Variants in TAMM41 observed in about 807,000 individuals in gnomAD.
The protein encoded by TAMM41 is phosphatidate cytidylyltransferase, mitochondrial.
In TAMM41, 36 loss-of-function variants were observed where a neutral mutation model predicts 44.1. The observed-to-expected ratio is 0.82, with a 90% confidence interval of 0.63 to 1.08. TAMM41 has a LOEUF of 1.08. TAMM41 is among the 50% of genes least tolerant of loss of function. The pLI is 0.00. For missense variants in TAMM41, 417 were observed against 404.3 expected (o/e 1.03, Z -0.27); for synonymous variants, 164 against 153.1 (o/e 1.07, Z -0.53).
chr3:11,752,892 C>T, the TAMM41 span, among the ~76,000 whole-genome samples: 71 of 151,568 alleles, frequency 4.7e-4, 1 homozygote, highest in African/African-American at 1.6e-3. Context: ...TGGGCTCTAG[C>T]GATCGTCCTG....
At chr3:11,728,413 T>G in the TAMM41 span, among the ~76,000 whole-genome samples, 1 of 152,134 alleles carries the variant, frequency 6.6e-6, no homozygotes, top group Non-Finnish European at 1.5e-5. Context: ...ATTCAGAGAG[T>G]AGTAAATAAT....
At chr3:11,734,314 A>G in the TAMM41 span, among the ~76,000 whole-genome samples, 1 of 152,218 alleles carries the variant, frequency 6.6e-6, no homozygotes, top group African/African-American at 2.4e-5. Context: ...GGCAGAACCA[A>G]GAGTTCCATT....
At chr3:11,807,286 A>T (rs2077938531) in intron 7 of TAMM41, 1 of 1,440,598 alleles carries the variant, frequency 6.9e-7, no homozygotes. Flanking sequence ...TATTAGGAGG[A>T]CAGAGGGATG....
the TAMM41 span, among the ~76,000 whole-genome samples, chr3:11,742,013 G>A: frequency 1.3e-5 from 2 of 150,026 alleles, no homozygotes; most frequent in East Asian, 1.9e-4. Context: ...CGGTTTAAAG[G>A]GTATGGGATT....
chr3:11,790,422 G>A, downstream of TAMM41: 1 of 1,273,914 alleles, frequency 7.8e-7, no homozygotes, highest in East Asian at 2.3e-5. Context: ...TCAAGCAATG[G>A]GTCAAAGTAA....
the TAMM41 span, among the ~76,000 whole-genome samples, chr3:11,745,675 GAA>G: frequency 2.0e-5 from 3 of 152,312 alleles, no homozygotes; most frequent in Admixed American, 6.5e-5. Flanking sequence ...GGAGCTGTGG[GAA>G]GAGGAAATGG....
the TAMM41 span, among the ~76,000 whole-genome samples, chr3:11,785,137 ACT>A: frequency 7.3e-5 from 11 of 151,374 alleles, no homozygotes; most frequent in Non-Finnish European, 1.6e-4. Flanking sequence ...TCTGTACTCC[ACT>A]CTCTACTGCT....
chr3:11,777,686 C>T, the TAMM41 span, among the ~76,000 whole-genome samples: 14 of 152,020 alleles, frequency 9.2e-5, no homozygotes, highest in Non-Finnish European at 1.8e-4. Context: ...CCCAGCTACT[C>T]GGGAGGCTGA....
intron 4 of TAMM41, among the ~76,000 whole-genome samples, chr3:11,828,287 G>C (rs996594085): frequency 3.3e-5 from 5 of 152,138 alleles, no homozygotes; most frequent in African/African-American, 4.8e-5. Flanking sequence ...GCTAAACTTG[G>C]TAGCAGCTTG....
At chr3:11,784,151 G>T in the TAMM41 span, among the ~76,000 whole-genome samples, 1 of 152,158 alleles carries the variant, frequency 6.6e-6, no homozygotes, top group Middle Eastern at 3.2e-3. Context: ...AGGGCAACAG[G>T]AACACAGAAT....
At chr3:11,762,455 T>G in the TAMM41 span, among the ~76,000 whole-genome samples, 1 of 152,140 alleles carries the variant, frequency 6.6e-6, no homozygotes, top group African/African-American at 2.4e-5. Flanking sequence ...AGTATGCCGA[T>G]GGATGAATAC....
the TAMM41 span, among the ~76,000 whole-genome samples, chr3:11,769,865 T>C: frequency 1.3e-3 from 201 of 152,320 alleles, no homozygotes; most frequent in African/African-American, 4.6e-3. Context: ...TCGCATTTCC[T>C]ACAAAGCAGG....
chr3:11,791,136 G>A (rs10510406), intron 7 of TAMM41, among the ~76,000 whole-genome samples: 19,889 of 152,204 alleles, frequency 0.13, 2,790 homozygotes, highest in East Asian at 0.48. Context: ...TGCAGTACGT[G>A]TGGGCCGATT....
chr3:11,728,634 G>A, the TAMM41 span, among the ~76,000 whole-genome samples: 1 of 152,204 alleles, frequency 6.6e-6, no homozygotes, highest in East Asian at 1.9e-4. Flanking sequence ...GCTGTGACCT[G>A]AGCTTCATGC....
the TAMM41 span, among the ~76,000 whole-genome samples, chr3:11,725,599 C>T: frequency 2.6e-5 from 4 of 152,040 alleles, no homozygotes; most frequent in African/African-American, 4.8e-5. Context: ...CCACCATGCC[C>T]GGCTAACTTT....
chr3:11,773,898 G>C, the TAMM41 span, among the ~76,000 whole-genome samples: 4 of 152,094 alleles, frequency 2.6e-5, no homozygotes, highest in Non-Finnish European at 2.9e-5. Context: ...AGACCAGCCT[G>C]GCCAACATGG....
rs540504883 is a variant in TAMM41, at chr3:11,830,202, A to G, written c.412-338T>C. On this transcript the variant is annotated intron_variant, in intron 3 of 7. Transcript: ENST00000455809. ...TTTATAATCTCACTGTCGTCACTTA[A>G]TTTTTTAGTCGACAGAGGCATTTTA... Among the ~76,000 whole-genome samples, 5 of 152,306 alleles carry G rather than the reference A, an allele frequency of 3.3e-5. No homozygotes were observed. The South Asian group carries it at 1.0e-3, about 32-fold the overall frequency.
At chr3:11,747,708 G>A in the TAMM41 span, among the ~76,000 whole-genome samples, 2 of 151,944 alleles carry the variant, frequency 1.3e-5, no homozygotes, top group Admixed American at 6.6e-5. Flanking sequence ...TGAGGCTGCA[G>A]TGTGCTATTA....
chr3:11,725,490 G>A, the TAMM41 span, among the ~76,000 whole-genome samples: 1 of 149,894 alleles, frequency 6.7e-6, no homozygotes, highest in African/African-American at 2.5e-5. Flanking sequence ...CCAGGCTGGA[G>A]TGAAGTGGTA....
Sources: gnomAD v4.1 joint callset for allele counts (sites outside exome capture counted in the v4.1 genomes callset) on GRCh38, gnomAD v4.1.1 for gene constraint, MANE v1.5 for transcripts, NCBI Gene and HGNC (gene_info 2026-07-23, HGNC 2026-07-21) for gene names.